CLEC16A: variants seen among roughly 807,000 people sequenced by gnomAD.
The protein encoded by CLEC16A is C-type lectin domain containing 16A.
Under a neutral mutation model 109.5 loss-of-function variants are expected in CLEC16A, and 51 were observed. The ratio of observed to expected loss-of-function variants is 0.47; its 90% confidence interval spans 0.37 to 0.59. The LOEUF (loss-of-function observed/expected upper bound fraction) is 0.59, where lower values mean the gene tolerates loss of function less well. Among genes scored for constraint, CLEC16A ranks in the 20% least tolerant of loss-of-function variants. The probability of loss-of-function intolerance (pLI) is 0.00; values close to 1 mark genes in which losing one functional copy is unlikely to be tolerated. For synonymous variants in CLEC16A, 673 were observed against 564.2 expected, an observed-to-expected ratio of 1.19 and a Z score of -2.73; for missense variants, 1,339 against 1,394.0, an observed-to-expected ratio of 0.96 and a Z score of 0.63.
At chr16:10,979,664 A>G (rs2043212415) in intron 9 of CLEC16A, among the ~76,000 whole-genome samples, 2 of 152,202 alleles carry the variant, frequency 1.3e-5, no homozygotes. Context: ...GGTTTCCAAA[A>G]CAACTGAGGA....
chr16:10,997,251 T>G (rs1567174402), intron 10 of CLEC16A, among the ~76,000 whole-genome samples: 2 of 152,252 alleles, frequency 1.3e-5, no homozygotes. Context: ...CATGAGCCAC[T>G]GCGCCCAGCC....
intron 17 of CLEC16A, 25 bp downstream of exon 17, chr16:11,047,367 T>A: frequency 1.3e-6 from 2 of 1,585,192 alleles, no homozygotes; most frequent in East Asian, 2.3e-5. Flanking sequence ...GGGACACACT[T>A]GGGCTGGTGT....
chr16:11,131,482 G>A lies in CLEC16A; in HGVS notation c.2641+5336G>A, dbSNP rs563239522. Among the ~76,000 whole-genome samples, 103 of 152,274 alleles carry A rather than the reference G, an allele frequency of 6.8e-4. No individual in the cohort carries two copies. The South Asian group carries it at 0.011, about 16-fold the overall frequency. ...GGCCCAGAGGCTGCTTCAGGAGGCC[G>A]CAGGGAACCAGAGCTGCTTACAGGT... is the stretch of plus-strand genomic sequence containing the variant. On this transcript the variant is annotated intron_variant, in intron 22 of 23. Coordinates refer to ENST00000409790, the MANE Select transcript of CLEC16A (RefSeq NM_015226.3).
At chr16:10,966,836 G>C (rs1567515032) in intron 3 of CLEC16A, among the ~76,000 whole-genome samples, 1 of 152,070 alleles carries the variant, frequency 6.6e-6, no homozygotes, top group Non-Finnish European at 1.5e-5. Context: ...CAACACGTGG[G>C]GATTATGGGA....
At chr16:10,982,814 G>A (rs538336258) in intron 9 of CLEC16A, 64 bp from the exon 10 acceptor site, 100 of 941,768 alleles carry the variant, frequency 1.1e-4, no homozygotes, top group Admixed American at 4.1e-4. Flanking sequence ...TTCTGATCCA[G>A]GAAGCAAGAG....
At chr16:11,055,575 CTTTTTTTTTTTTTTT>C (rs71136609) in intron 18 of CLEC16A, among the ~76,000 whole-genome samples, 7 of 41,756 alleles carry the variant, frequency 1.7e-4, no homozygotes, top group East Asian at 7.2e-4. Context: ...TTCCCTCTTG[CTTTTTTTTTTTTTTT>C]TTTTTTTTTT....
At chr16:11,122,304 C>G (rs1056925878) in intron 20 of CLEC16A, among the ~76,000 whole-genome samples, 2 of 152,192 alleles carry the variant, frequency 1.3e-5, no homozygotes, top group South Asian at 2.1e-4. Context: ...AAGAATCTTT[C>G]ATTTAAAAGA....
intron 22 of CLEC16A, among the ~76,000 whole-genome samples, chr16:11,144,387 A>C (rs569890470): frequency 6.6e-5 from 10 of 152,150 alleles, no homozygotes; most frequent in African/African-American, 2.4e-4. Flanking sequence ...AGCTGTGTTC[A>C]TTCTCCGTCC....
At chr16:10,950,780 A>G (rs1032321597) in intron 1 of CLEC16A, among the ~76,000 whole-genome samples, 1 of 152,180 alleles carries the variant, frequency 6.6e-6, no homozygotes, top group East Asian at 1.9e-4. Context: ...CCATCCCTCT[A>G]CCACACCTGA....
chr16:11,054,948 T>TTC (rs561069004), intron 18 of CLEC16A, among the ~76,000 whole-genome samples: 14,540 of 150,420 alleles, frequency 0.097, 706 homozygotes, highest in East Asian at 0.12. Flanking sequence ...TTTTTTTTTT[T>TTC]TCCACCAAGT....
intron 11 of CLEC16A, among the ~76,000 whole-genome samples, chr16:11,019,700 C>T (rs1414348963): frequency 1.4e-5 from 2 of 147,690 alleles, no homozygotes; most frequent in Non-Finnish European, 3.0e-5. Context: ...ACCCTGGAGG[C>T]GGAGGTAGCA....
chr16:11,129,771 T>TC (rs1368629839), intron 22 of CLEC16A, among the ~76,000 whole-genome samples: 1 of 151,068 alleles, frequency 6.6e-6, no homozygotes, highest in African/African-American at 2.4e-5. Context: ...CCTTTTTTTT[T>TC]TTTTTTTTTG....
At chr16:11,096,611 A>T (rs2050623082) in intron 19 of CLEC16A, among the ~76,000 whole-genome samples, 1 of 152,238 alleles carries the variant, frequency 6.6e-6, no homozygotes, top group African/African-American at 2.4e-5. Context: ...TAACCACATG[A>T]GTTCATTTTA....
chr16:11,024,715 T>G (rs1474783338), intron 12 of CLEC16A, 106 bp from the exon 13 acceptor site: 3 of 793,698 alleles, frequency 3.8e-6, no homozygotes, highest in Non-Finnish European at 4.2e-6. Flanking sequence ...AGTTGTGGCC[T>G]AAAGAGCTGT....
intron 1 of CLEC16A, among the ~76,000 whole-genome samples, chr16:10,951,208 G>T (rs1365887486): frequency 6.6e-6 from 1 of 152,180 alleles, no homozygotes; most frequent in African/African-American, 2.4e-5. Context: ...AAGCTCATCT[G>T]TCGGTGGAGA....
intron 11 of CLEC16A, among the ~76,000 whole-genome samples, chr16:11,016,584 C>A (rs1435896198): frequency 6.6e-6 from 1 of 152,254 alleles, no homozygotes; most frequent in Middle Eastern, 3.4e-3. Flanking sequence ...GATCCTCTTG[C>A]CTCAGCCTCC....
intron 22 of CLEC16A, among the ~76,000 whole-genome samples, chr16:11,131,443 T>C (rs1486504028): frequency 6.6e-6 from 1 of 151,798 alleles, no homozygotes; most frequent in Admixed American, 6.6e-5. Context: ...TGCTCCTCAC[T>C]CTGGGCTCCT....
chr16:11,012,774 C>T (rs1167556342), intron 11 of CLEC16A, among the ~76,000 whole-genome samples: 1 of 152,166 alleles, frequency 6.6e-6, no homozygotes, highest in Non-Finnish European at 1.5e-5. Flanking sequence ...GCACGAGGTT[C>T]AAAACCAATC....
intron 18 of CLEC16A, among the ~76,000 whole-genome samples, chr16:11,052,351 C>T (rs79084053): frequency 6.6e-6 from 1 of 152,180 alleles, no homozygotes; most frequent in Non-Finnish European, 1.5e-5. Context: ...CACAGCTCCC[C>T]TTGTCAGCCT....
Sources: gnomAD v4.1 joint callset for allele counts (sites outside exome capture counted in the v4.1 genomes callset) on GRCh38, gnomAD v4.1.1 for gene constraint, MANE v1.5 for transcripts, NCBI Gene and HGNC (gene_info 2026-07-23, HGNC 2026-07-21) for gene names.